RUFY3: variants seen among roughly 807,000 people sequenced by gnomAD.
RUFY3 encodes RUN and FYVE domain containing 3, also known as protein RUFY3.
Under a neutral mutation model 84.0 loss-of-function variants are expected in RUFY3, and 34 were observed. The ratio of observed to expected loss-of-function variants is 0.40; its 90% CI spans 0.31 to 0.54. The LOEUF (loss-of-function observed/expected upper bound fraction) is 0.54. Among genes scored for constraint, RUFY3 ranks in the 20% least tolerant of loss-of-function variants. The probability of loss-of-function intolerance (pLI) is 0.39; values close to 1 mark genes in which losing one functional copy is unlikely to be tolerated. For synonymous variants in RUFY3, 242 were observed against 252.9 expected (o/e 0.96, Z 0.41); for missense variants, 507 against 736.8 (o/e 0.69, Z 3.61).
chr4:70,773,545 A>T lies in RUFY3; in HGVS notation c.731A>T (p.Asp244Val). ...GVIDFSMYLK[D>V]GNSSKGTEGD... is the part of the protein sequence containing the mutation. ...ATAGATTTTTCAATGTATCTCAAGGACGGGAACAGCAGTAAAGGTACTGAA... is the reference window on the plus strand; with the variant it reads ...ATAGATTTTTCAATGTATCTCAAGGTCGGGAACAGCAGTAAAGGTACTGAA... Residue 244 changes from aspartate (D) to valine (V), a missense_variant, in exon 6 of 18, where the codon GAC (aspartate) becomes GTC (valine). Physicochemically the swap from Asp to Val is radical, Grantham distance 152. This residue lies in a region of RUFY3 where 133 missense variants were observed against 301.1 expected (regional missense o/e 0.44). Transcript: ENST00000381006. 1.9e-6 allele frequency: 3 copies of T among 1,611,718 alleles called. No individual in the cohort carries two copies. Among genetic ancestry groups the T allele is most frequent in the Non-Finnish European group, 2.5e-6 (3 of 1,177,948 alleles).
Position 70,733,404 on chromosome 4 carries a change from G to A in RUFY3, c.178+10653G>A, listed in dbSNP as rs1033716778. On this transcript the variant is annotated intron_variant, in intron 1 of 17. Coordinates refer to ENST00000381006, the MANE Select transcript of RUFY3 (RefSeq NM_001037442.4). ...GCCTCTGCTAGTGGGAATGTGCATT[G>A]GTACATCCTTTATAGAAATCATTTT... Among the ~76,000 whole-genome samples the A allele has an allele frequency of 2.6e-5, 4 of 151,970 alleles. No homozygotes were observed. In the East Asian group the frequency reaches 7.7e-4, roughly 29 times the overall value.
Position 70,793,921 on chromosome 4 carries a change from T to C in RUFY3, c.1457+17T>C. The C allele has an allele frequency of 6.2e-7, 1 of 1,612,824 alleles. No homozygotes were observed. The highest frequency in any genetic ancestry group is 8.5e-7 in the Non-Finnish European group (1 of 1,179,302). On this transcript the variant is annotated intron_variant, in intron 13 of 17. Coordinates refer to ENST00000381006, the MANE Select transcript of RUFY3 (RefSeq NM_001037442.4). ...CAGGCAGCGGTGAAGAGGGGGTAGCTTGAGCTGACAGGGTGGTCATGGGTA... is the reference window on the plus strand; with the variant it reads ...CAGGCAGCGGTGAAGAGGGGGTAGCCTGAGCTGACAGGGTGGTCATGGGTA...
exon 1 of RUFY3, chr4:70,704,974 A>T (rs1270100003): frequency 1.6e-6 from 2 of 1,227,682 alleles, no homozygotes; most frequent in Middle Eastern, 3.2e-4. Context: ...GCTGGTGCCG[A>T]AAGTTGCAGC....
intron 1 of RUFY3, among the ~76,000 whole-genome samples, chr4:70,709,651 G>A (rs181540984): frequency 7.2e-5 from 11 of 152,276 alleles, no homozygotes; most frequent in Middle Eastern, 3.4e-3. Flanking sequence ...CCATCCTGCC[G>A]TTAGAGATCG....
intron 10 of RUFY3, 70 bp downstream of exon 10, chr4:70,784,949 C>A: frequency 9.6e-7 from 1 of 1,042,810 alleles, no homozygotes; most frequent in Non-Finnish European, 1.4e-6. Flanking sequence ...GAGGTTTTAT[C>A]ATACAGACCA....
intron 8 of RUFY3, among the ~76,000 whole-genome samples, chr4:70,782,218 A>G (rs983579616): frequency 9.9e-5 from 15 of 152,084 alleles, no homozygotes; most frequent in African/African-American, 3.4e-4. Context: ...GTGTACATCT[A>G]TAAGAACACC....
At chr4:70,781,693 G>A (rs1728944699) in intron 8 of RUFY3, among the ~76,000 whole-genome samples, 1 of 152,222 alleles carries the variant, frequency 6.6e-6, no homozygotes, top group Non-Finnish European at 1.5e-5. Flanking sequence ...GGATCTGAGA[G>A]AGAATTGGAC....
At position 70,789,011 on chromosome 4, in the gene RUFY3, A is replaced by C. The variant is rs573452582; in HGVS notation, c.1239+38A>C. ...TGAGGAATAGACTCACTGGCTCTCT[A>C]AAATCCTGGGGCTTCCCTCCTCCCA... On this transcript the variant is annotated intron_variant, in intron 11 of 17. Coordinates refer to ENST00000381006, the MANE Select transcript of RUFY3 (RefSeq NM_001037442.4). The C allele has an allele frequency of 3.1e-6, 5 of 1,598,856 alleles. No homozygotes were observed. In the Admixed American group the frequency reaches 5.0e-5, roughly 16 times the overall value.
chr4:70,738,334 G>C (rs1451669702), intron 1 of RUFY3, among the ~76,000 whole-genome samples: 6 of 149,504 alleles, frequency 4.0e-5, no homozygotes, highest in African/African-American at 1.5e-4. Flanking sequence ...GATCTCAAGG[G>C]CATTGTCTAT....
intron 1 of RUFY3, among the ~76,000 whole-genome samples, chr4:70,732,077 T>A (rs1018451312): frequency 6.6e-6 from 1 of 152,244 alleles, no homozygotes; most frequent in Non-Finnish European, 1.5e-5. Context: ...TGTTTTACTA[T>A]TCTGACTTGT....
At chr4:70,772,720 G>A (rs1313038414) in intron 5 of RUFY3, among the ~76,000 whole-genome samples, 1 of 151,774 alleles carries the variant, frequency 6.6e-6, no homozygotes, top group Non-Finnish European at 1.5e-5. Flanking sequence ...GAGTGCAATG[G>A]TGAGATCCTG....
Position 70,722,257 on chromosome 4 carries a change from A to T in RUFY3, c.-317A>T, listed in dbSNP as rs917645371. 1 of 1,224,396 alleles carries T rather than the reference A, an allele frequency of 8.2e-7. No individual in the cohort carries two copies. The highest frequency in any genetic ancestry group is 4.2e-5 in the Admixed American group (1 of 23,756). The allele number at this position is 1,224,396 out of a possible 1,614,324, so 75.8% of individuals were successfully genotyped here. A position where few individuals can be genotyped will look rare whatever the true frequency, so the allele number is the denominator to read the frequency against. On this transcript the variant is annotated 5_prime_UTR_variant, in exon 1 of 18. Coordinates refer to ENST00000381006, the MANE Select transcript of RUFY3 (RefSeq NM_001037442.4). Reference sequence around the variant, plus strand: ...GGATTTAAAGCCTATAGCTCAGCTGAAAAAAAAGGTGGGGGGCAGGGAAGG... The same window carrying T: ...GGATTTAAAGCCTATAGCTCAGCTGTAAAAAAAGGTGGGGGGCAGGGAAGG...
At chr4:70,744,960 G>C (rs928204844) in intron 1 of RUFY3, among the ~76,000 whole-genome samples, 1 of 139,154 alleles carries the variant, frequency 7.2e-6, no homozygotes, top group Admixed American at 7.1e-5. Flanking sequence ...CAGCCCTTTT[G>C]AATTTTTTTA....
chr4:70,724,123 AT>A (rs1289045865), intron 1 of RUFY3, among the ~76,000 whole-genome samples: 10 of 152,282 alleles, frequency 6.6e-5, no homozygotes, highest in African/African-American at 2.4e-4. Context: ...TGCCAGTACT[AT>A]TTATTTTTTA....
chr4:70,777,387 T>C (rs1296442990), intron 7 of RUFY3, among the ~76,000 whole-genome samples: 1 of 152,236 alleles, frequency 6.6e-6, no homozygotes, highest in Non-Finnish European at 1.5e-5. Flanking sequence ...TGAATAATTT[T>C]GAAGAATAAT....
At chr4:70,738,133 T>C (rs1720689033) in intron 1 of RUFY3, among the ~76,000 whole-genome samples, 1 of 126,020 alleles carries the variant, frequency 7.9e-6, no homozygotes, top group Non-Finnish European at 1.6e-5. Flanking sequence ...AGAGGCATGC[T>C]GCACTACCAC....
At chr4:70,762,985 G>A (rs532676558) in intron 2 of RUFY3, among the ~76,000 whole-genome samples, 2 of 152,294 alleles carry the variant, frequency 1.3e-5, no homozygotes, top group Non-Finnish European at 2.9e-5. Flanking sequence ...AATGAGACAT[G>A]ACTTGGTCAA....
At chr4:70,787,188 ATATATAT>A (rs1277288146) in intron 10 of RUFY3, among the ~76,000 whole-genome samples, 7 of 61,416 alleles carry the variant, frequency 1.1e-4, no homozygotes, top group African/African-American at 3.9e-4. Context: ...AAAAAAAAAA[ATATATAT>A]ATATATATAT....
At chr4:70,769,826 GT>G (rs1246679475) in intron 5 of RUFY3, among the ~76,000 whole-genome samples, 1 of 151,780 alleles carries the variant, frequency 6.6e-6, no homozygotes, top group East Asian at 1.9e-4. Flanking sequence ...TTTTGTTTTT[GT>G]TTTTTGTTTT....
Sources: gnomAD v4.1 joint callset for allele counts (sites outside exome capture counted in the v4.1 genomes callset) on GRCh38, gnomAD v4.1.1 for gene constraint, gnomAD v4.1.1 regional missense constraint, MANE v1.5 for transcripts, NCBI Gene and HGNC (gene_info 2026-07-23, HGNC 2026-07-21) for gene names.